Variants in MRC1 observed in about 807,000 individuals in gnomAD.
The protein encoded by MRC1 is macrophage mannose receptor 1.
MRC1 carries 62 observed loss-of-function variants against 102.9 expected under a neutral mutation model. The observed-to-expected ratio is 0.60, with a 90% CI of 0.49 to 0.74. The LOEUF (loss-of-function observed/expected upper bound fraction) is 0.74. MRC1 is among the 30% of genes least tolerant of loss of function. MRC1 has a pLI of 0.00. For missense variants in MRC1, 1,237 were observed against 862.8 expected (o/e 1.43, Z -5.43); for synonymous variants, 457 against 298.4 (o/e 1.53, Z -5.48).
intron 6 of MRC1, among the ~76,000 whole-genome samples, chr10:17,847,926 C>CTTTTT (rs5783563): frequency 0.03 from 4,360 of 147,404 alleles, 75 homozygotes; most frequent in Middle Eastern, 0.073. Flanking sequence ...TCTTTTTCTT[C>CTTTTT]TTTTTTTTTT....
Position 17,873,770 on chromosome 10 carries a change from C to A in MRC1, c.2345-14C>A. 2.3e-6 allele frequency: 2 copies of A among 872,332 alleles called. No homozygotes were observed. Among genetic ancestry groups the A allele is most frequent in the Non-Finnish European group, 4.0e-6 (2 of 501,226 alleles). 54.0% of individuals were successfully genotyped at this position (872,332 alleles called of 1,614,324 possible). On this transcript the variant is annotated splice_polypyrimidine_tract_variant and intron_variant, in intron 15 of 29. Transcript: ENST00000569591. Reference sequence around the variant, plus strand: ...TTAAGTACACTTTATTTCTATTTTTCTCTTGTTTTACAGGACAAACACCAA... The same window carrying A: ...TTAAGTACACTTTATTTCTATTTTTATCTTGTTTTACAGGACAAACACCAA...
intron 26 of MRC1, among the ~76,000 whole-genome samples, chr10:17,904,207 C>T (rs1312242328): frequency 6.6e-6 from 1 of 152,110 alleles, no homozygotes; most frequent in African/African-American, 2.4e-5. Context: ...TATATTTACC[C>T]TTGTAGTTTC....
Position 17,881,100 on chromosome 10 carries a change from A to G in MRC1, c.2899A>G (p.Arg967Gly), listed in dbSNP as rs965250485. Reference sequence around the variant, plus strand: ...AATCTTTGGATTTATGGAAGAAGAAAGAAAAAATTGGCAAGAGGCACGAAA... The same window carrying G: ...AATCTTTGGATTTATGGAAGAAGAAGGAAAAAATTGGCAAGAGGCACGAAA... ...FKIFGFMEEE[R>G]KNWQEARKAC... The change falls in exon 21 of 30, where the codon AGA becomes GGA. Residue 967 changes from arginine to glycine, a missense_variant. Transcript: ENST00000569591. 4 of 780,684 alleles carry G rather than the reference A, an allele frequency of 5.1e-6. No individual in the cohort carries two copies. Among genetic ancestry groups the G allele is most frequent in the Admixed American group, 1.7e-5 (1 of 59,014 alleles). 48.4% of individuals were successfully genotyped at this position (780,684 alleles called of 1,614,324 possible).
chr10:17,910,211 A>G lies in MRC1; in HGVS notation c.4121-4A>G, dbSNP rs1260998175. On this transcript the variant is annotated splice_polypyrimidine_tract_variant and splice_region_variant and intron_variant, in intron 29 of 29. Coordinates refer to ENST00000569591, the MANE Select transcript of MRC1 (RefSeq NM_002438.4). Reference sequence around the variant, plus strand: ...TTTTCCATAATGATTTTATTTATTTATAGCTGACACAAGGAAGATGGACCC... The same window carrying G: ...TTTTCCATAATGATTTTATTTATTTGTAGCTGACACAAGGAAGATGGACCC... The G allele has an allele frequency of 2.6e-6, 2 of 780,674 alleles. No homozygotes were observed. Among genetic ancestry groups the G allele is most frequent in the South Asian group, 1.3e-5 (1 of 74,618 alleles). The allele number at this position is 780,674 out of a possible 1,614,324, so 48.4% of individuals were successfully genotyped here. A position where few individuals can be genotyped will look rare whatever the true frequency, so the allele number is the denominator to read the frequency against.
Position 17,910,453 on chromosome 10 carries a change from C to T in MRC1, c.4359C>T (p.His1453=), listed in dbSNP as rs2130729610. 1.3e-6 allele frequency: 1 copy of T among 780,760 alleles called. No homozygotes were observed. 48.4% of individuals were successfully genotyped at this position (780,760 alleles called of 1,614,324 possible). A position where few individuals can be genotyped will look rare whatever the true frequency, so the allele number is the denominator to read the frequency against. The change falls in exon 30 of 30, where the codon CAC becomes CAT. Residue 1453 remains histidine (H), a synonymous_variant. Coordinates refer to ENST00000569591, the MANE Select transcript of MRC1 (RefSeq NM_002438.4). ...DLVGNIEQNE[H]SVI ...TGGGCAATATTGAACAGAATGAACA[C>T]TCGGTCATCTAGTACCTCAATGCGA...
chr10:17,899,368 C>T (rs1333947619), intron 24 of MRC1, among the ~76,000 whole-genome samples: 2 of 152,236 alleles, frequency 1.3e-5, no homozygotes, highest in East Asian at 1.9e-4. Flanking sequence ...GACATGTTCA[C>T]GATTCTCTTA....
chr10:17,848,023 C>T (rs1838852239), intron 6 of MRC1, among the ~76,000 whole-genome samples: 1 of 151,326 alleles, frequency 6.6e-6, no homozygotes, highest in African/African-American at 2.4e-5. Context: ...AATTGTACAG[C>T]ATTTGAGCCT....
At chr10:17,865,091 A>G (rs2130666624) in intron 11 of MRC1, among the ~76,000 whole-genome samples, 1 of 152,348 alleles carries the variant, frequency 6.6e-6, no homozygotes, top group South Asian at 2.1e-4. Flanking sequence ...GTTTAATATG[A>G]CAACACACAG....
intron 10 of MRC1, among the ~76,000 whole-genome samples, chr10:17,862,625 TA>T: frequency 6.6e-6 from 1 of 152,344 alleles, no homozygotes; most frequent in African/African-American, 2.4e-5. Flanking sequence ...TAGAGACATT[TA>T]AGGCAACTAA....
intron 22 of MRC1, among the ~76,000 whole-genome samples, chr10:17,885,685 G>C (rs1310746601): frequency 1.3e-5 from 2 of 152,060 alleles, no homozygotes; most frequent in African/African-American, 2.4e-5. Context: ...AGCCTAACTT[G>C]CAGTCAAAAG....
chr10:17,889,870 T>G (rs1374819085), intron 22 of MRC1, among the ~76,000 whole-genome samples: 1 of 152,202 alleles, frequency 6.6e-6, no homozygotes, highest in African/African-American at 2.4e-5. Flanking sequence ...GAATTCAGAA[T>G]AAGGAAAATG....
chr10:17,840,618 G>A, intron 4 of MRC1, 75 bp from the exon 5 acceptor site: 1 of 774,508 alleles, frequency 1.3e-6, no homozygotes, highest in Admixed American at 1.7e-5. Flanking sequence ...CAAGCACTTA[G>A]TTCTGAATTT....
intron 22 of MRC1, among the ~76,000 whole-genome samples, chr10:17,887,241 A>T (rs1057282929): frequency 6.6e-6 from 1 of 152,136 alleles, no homozygotes; most frequent in Non-Finnish European, 1.5e-5. Context: ...TACAAAAAAA[A>T]TTAGCCGGGC....
chr10:17,838,674 T>TA (rs1339811720), intron 4 of MRC1, among the ~76,000 whole-genome samples: 2 of 152,192 alleles, frequency 1.3e-5, no homozygotes, highest in African/African-American at 2.4e-5. Flanking sequence ...GCAGAAAAGT[T>TA]ACGCCTTGAG....
chr10:17,836,759 C>T (rs1021243285), intron 4 of MRC1, among the ~76,000 whole-genome samples: 37 of 151,976 alleles, frequency 2.4e-4, no homozygotes, highest in Non-Finnish European at 2.1e-4. Context: ...TGGCTTGAAC[C>T]TGGGAGGTGG....
In MRC1 at chr10:17,823,266, C is replaced by T. The variant is rs1554838397; in HGVS notation, c.254C>T (p.Ala85Val). ...LGVPSKTDWV[A>V]ITLYACDSKS... Reference sequence around the variant, plus strand: ...GTGCCATCAAAAACGGACTGGGTTGCTATCACTCTCTATGCCTGTGACTCA... The same window carrying T: ...GTGCCATCAAAAACGGACTGGGTTGTTATCACTCTCTATGCCTGTGACTCA... Residue 85 changes from alanine to valine, a missense_variant, in exon 2 of 30, where the codon GCT becomes GTT. Ala to Val is a moderately conservative substitution (Grantham distance 64). Coordinates refer to ENST00000569591, the MANE Select transcript of MRC1 (RefSeq NM_002438.4). 3 of 780,566 alleles carry T rather than the reference C, an allele frequency of 3.8e-6. No homozygotes were observed. In the Admixed American group the frequency reaches 5.1e-5, roughly 13 times the overall value. 48.4% of individuals were successfully genotyped at this position (780,566 alleles called of 1,614,324 possible). A position where few individuals can be genotyped will look rare whatever the true frequency, so the allele number is the denominator to read the frequency against.
chr10:17,858,313 G>A (rs1833125384), intron 9 of MRC1, among the ~76,000 whole-genome samples: 2 of 152,068 alleles, frequency 1.3e-5, no homozygotes, highest in African/African-American at 2.4e-5. Flanking sequence ...TTCTTCTTCA[G>A]TTTTGAAGTG....
At chr10:17,901,645 C>T (rs914970526) in intron 25 of MRC1, among the ~76,000 whole-genome samples, 1 of 151,542 alleles carries the variant, frequency 6.6e-6, no homozygotes, top group African/African-American at 2.4e-5. Context: ...GACAAGATCG[C>T]GCCATTGTAC....
rs1445110502 is a variant in MRC1, at chr10:17,822,797, A to T, written c.62-277A>T. Among the ~76,000 whole-genome samples the T allele has an allele frequency of 1.1e-4, 17 of 152,242 alleles. No homozygotes were observed. In the East Asian group the frequency reaches 3.1e-3, roughly 28 times the overall value. The stretch of plus-strand genomic sequence containing the variant: ...TTGGGCATGTAAGGTGGGACTTTGC[A>T]TGAGACTCCTCACAGTGAACTAGGA... On this transcript the variant is annotated intron_variant, in intron 1 of 29. Coordinates refer to ENST00000569591, the MANE Select transcript of MRC1 (RefSeq NM_002438.4).
Sources: gnomAD v4.1 joint callset for allele counts (sites outside exome capture counted in the v4.1 genomes callset) on GRCh38, gnomAD v4.1.1 for gene constraint, MANE v1.5 for transcripts, NCBI Gene and HGNC (gene_info 2026-07-23, HGNC 2026-07-21) for gene names.